RALGAPA2: variants seen among roughly 807,000 people sequenced by gnomAD.
RALGAPA2 encodes Ral GTPase activating protein catalytic subunit alpha 2.
In RALGAPA2, 139 loss-of-function variants were observed where a neutral mutation model predicts 230.4. The observed-to-expected ratio is 0.60, with a 90% CI of 0.53 to 0.69. The LOEUF is 0.69. Ranked by LOEUF, RALGAPA2 falls within the 30% of genes least tolerant of loss-of-function variation. The pLI, the probability that RALGAPA2 is intolerant of heterozygous loss-of-function variation, is 0.00. For synonymous variants in RALGAPA2, 847 were observed against 837.8 expected (o/e 1.01, Z -0.19); for missense variants, 2,163 against 2,276.0 (o/e 0.95, Z 1.01).
chr20:20,580,485 C>T (rs2064952352), intron 20 of RALGAPA2, among the ~76,000 whole-genome samples: 1 of 152,132 alleles, frequency 6.6e-6, no homozygotes, highest in African/African-American at 2.4e-5. Flanking sequence ...CCCGTATGCT[C>T]CAGAGCCCAC....
intron 26 of RALGAPA2, among the ~76,000 whole-genome samples, chr20:20,533,871 T>G (rs143043335): frequency 1.6e-3 from 239 of 152,218 alleles, no homozygotes; most frequent in African/African-American, 5.5e-3. Context: ...AAAAATATAG[T>G]CTTAAATGTT....
In RALGAPA2 at chr20:20,573,021, TC is replaced by T; in HGVS notation, c.2754del (p.Ser919AlafsTer24). 1 of 1,608,694 alleles carries T rather than the reference TC, an allele frequency of 6.2e-7. No homozygotes were observed. The highest frequency in any genetic ancestry group is 8.5e-7 in the Non-Finnish European group (1 of 1,177,776). On this transcript the variant is annotated frameshift_variant, in exon 21 of 40. Transcript: ENST00000202677. LOFTEE classifies it high-confidence loss of function. ...GAGTCTGGGTGCCAACCAGTGAGGCTCCCCCCGGCGATTATACTACAGTCAT... is the reference window on the plus strand; with the variant it reads ...GAGTCTGGGTGCCAACCAGTGAGGCTCCCCCGGCGATTATACTACAGTCAT... ...LTDDCSIIAGGSLTGWHPDSA... is the reference protein window; with the variant it reads ...LTDDCSIIAGXSLTGWHPDSA...
intron 1 of RALGAPA2, 78 bp from the exon 2 acceptor site, chr20:20,680,879 G>C: frequency 6.7e-7 from 1 of 1,498,568 alleles, no homozygotes; most frequent in Non-Finnish European, 8.9e-7. Context: ...TCTCAGAAAA[G>C]AAGGCAAGTA....
intron 10 of RALGAPA2, 102 bp downstream of exon 10, chr20:20,629,261 G>A: frequency 3.3e-6 from 3 of 909,524 alleles, no homozygotes; most frequent in Non-Finnish European, 5.1e-6. Flanking sequence ...AATTCTATTT[G>A]TTGGCGTGTT....
chr20:20,418,481 C>A (rs775997949), intron 37 of RALGAPA2, among the ~76,000 whole-genome samples: 6 of 152,128 alleles, frequency 3.9e-5, no homozygotes, highest in Non-Finnish European at 8.8e-5. Context: ...GGCAATTCCG[C>A]TCCTCAGTAT....
chr20:20,443,198 T>C (rs868387404), intron 37 of RALGAPA2, among the ~76,000 whole-genome samples: 4 of 152,246 alleles, frequency 2.6e-5, no homozygotes, highest in South Asian at 2.1e-4. Flanking sequence ...AAAGGTAAGA[T>C]TGTAATACCA....
At chr20:20,654,799 GT>G (rs920250258) in intron 3 of RALGAPA2, among the ~76,000 whole-genome samples, 35 of 152,066 alleles carry the variant, frequency 2.3e-4, no homozygotes, top group Non-Finnish European at 5.0e-4. Context: ...TTTATTTCTA[GT>G]TTTTTTGAGG....
intron 13 of RALGAPA2, among the ~76,000 whole-genome samples, chr20:20,613,815 G>GCCT (rs1481768966): frequency 2.6e-5 from 4 of 152,220 alleles, no homozygotes; most frequent in Admixed American, 2.6e-4. Flanking sequence ...GCTCAGAAAG[G>GCCT]CCTTCTCTGA....
At chr20:20,399,072 C>T (rs542451585) in intron 38 of RALGAPA2, among the ~76,000 whole-genome samples, 147 of 152,290 alleles carry the variant, frequency 9.7e-4, no homozygotes, top group African/African-American at 1.6e-3. Context: ...CAGCCGGGCA[C>T]GGTGGCTCAC....
intron 35 of RALGAPA2, among the ~76,000 whole-genome samples, chr20:20,496,209 G>A (rs1472516442): frequency 6.6e-6 from 1 of 152,076 alleles, no homozygotes; most frequent in African/African-American, 2.4e-5. Context: ...CAGACTCCTG[G>A]CGTCTTTGAG....
Position 20,520,992 on chromosome 20 carries a change from C to T in RALGAPA2, c.4009G>A (p.Ala1337Thr). The T allele has an allele frequency of 5.6e-6, 9 of 1,613,912 alleles. No homozygotes were observed. Among genetic ancestry groups the T allele is most frequent in the Non-Finnish European group, 7.6e-6 (9 of 1,179,856 alleles). The change falls in exon 31 of 40, where the codon GCA becomes ACA. Residue 1337 changes from alanine (A) to threonine (T), a missense_variant. By Grantham distance (58) the Ala-to-Thr change is moderately conservative (BLOSUM62 0). Transcript: ENST00000202677. ...ACTGGCTCAGAGCTCTTCACATTTG[C>T]CAGTGGCAGGAAGGGGTCATAATCC... The part of the protein sequence containing the change: ...STDYDPFLPL[A>T]NVKSSEPVQY...
chr20:20,599,104 T>C (rs909761046), intron 16 of RALGAPA2, among the ~76,000 whole-genome samples: 10 of 152,218 alleles, frequency 6.6e-5, no homozygotes, highest in Admixed American at 3.9e-4. Context: ...GTGTATCAGA[T>C]TCACATTCAG....
intron 14 of RALGAPA2, among the ~76,000 whole-genome samples, chr20:20,608,865 G>C (rs1369301954): frequency 1.3e-5 from 2 of 152,140 alleles, no homozygotes; most frequent in African/African-American, 4.8e-5. Flanking sequence ...GACAGATTAG[G>C]GAAGACACTC....
At chr20:20,598,754 C>T (rs1211113078) in intron 16 of RALGAPA2, 4 of 456,220 alleles carry the variant, frequency 8.8e-6, no homozygotes, top group Admixed American at 2.4e-5. Flanking sequence ...AGGAGCGGGA[C>T]GCTTTTAGTG....
chr20:20,494,702 C>G (rs190803479), intron 36 of RALGAPA2, among the ~76,000 whole-genome samples: 1 of 152,268 alleles, frequency 6.6e-6, no homozygotes, highest in East Asian at 1.9e-4. Context: ...GGCAAGTGCC[C>G]GACACCAGGC....
At chr20:20,456,517 G>C (rs2061124530) in intron 37 of RALGAPA2, among the ~76,000 whole-genome samples, 1 of 152,228 alleles carries the variant, frequency 6.6e-6, no homozygotes, top group Non-Finnish European at 1.5e-5. Context: ...CTTGTGACCT[G>C]CTGTGGCCAA....
At chr20:20,479,921 A>G (rs910124608) in intron 36 of RALGAPA2, among the ~76,000 whole-genome samples, 9 of 152,246 alleles carry the variant, frequency 5.9e-5, no homozygotes, top group African/African-American at 2.2e-4. Context: ...TATCAAAGTC[A>G]ATGGATACAG....
chr20:20,686,727 C>G (rs1363587000), intron 1 of RALGAPA2, among the ~76,000 whole-genome samples: 2 of 152,108 alleles, frequency 1.3e-5, no homozygotes, highest in South Asian at 2.1e-4. Context: ...GTATACACAC[C>G]CACAAAACCA....
chr20:20,531,990 G>A (rs912721331), intron 26 of RALGAPA2, among the ~76,000 whole-genome samples, 195 bp from the exon 27 acceptor site: 1 of 152,110 alleles, frequency 6.6e-6, no homozygotes, highest in Non-Finnish European at 1.5e-5. Flanking sequence ...TAGAAATATT[G>A]ATAATGGTTT....
Sources: gnomAD v4.1 joint callset for allele counts (sites outside exome capture counted in the v4.1 genomes callset) on GRCh38, gnomAD v4.1.1 for gene constraint, MANE v1.5 for transcripts, NCBI Gene and HGNC (gene_info 2026-07-23, HGNC 2026-07-21) for gene names.